The following PTPRR variants were observed in gnomAD, a reference collection of about 807,000 sequenced individuals.
PTPRR encodes protein tyrosine phosphatase receptor type R.
A neutral mutation model predicts 77.2 loss-of-function variants in PTPRR; 38 were observed. The ratio of observed to expected loss-of-function variants is 0.49; its 90% CI spans 0.38 to 0.65. PTPRR has a LOEUF of 0.65. PTPRR is among the 30% of genes least tolerant of loss of function. PTPRR has a pLI of 0.00. For missense variants in PTPRR, 744 were observed against 799.2 expected, an observed-to-expected ratio of 0.93 and a Z score of 0.83; for synonymous variants, 299 against 283.1, an observed-to-expected ratio of 1.06 and a Z score of -0.57.
chr12:70,784,458 C>G (rs11178418), intron 2 of PTPRR, among the ~76,000 whole-genome samples: 2 of 152,136 alleles, frequency 1.3e-5, no homozygotes, highest in African/African-American at 4.8e-5. Context: ...CGGAGCTCCC[C>G]CTGTGGCCCG....
At chr12:70,682,666 A>G (rs1246064512) in intron 10 of PTPRR, among the ~76,000 whole-genome samples, 1 of 152,168 alleles carries the variant, frequency 6.6e-6, no homozygotes, top group African/African-American at 2.4e-5. Flanking sequence ...ATGTACACAT[A>G]CAGAGAATAC....
At chr12:70,809,296 C>T (rs1338058989) in intron 2 of PTPRR, among the ~76,000 whole-genome samples, 1 of 152,098 alleles carries the variant, frequency 6.6e-6, no homozygotes, top group Non-Finnish European at 1.5e-5. Flanking sequence ...AAGGCAAATG[C>T]AAAGGATGGA....
In PTPRR at chr12:70,686,565, G is replaced by A. The variant is rs183834427; in HGVS notation, c.1280-1782C>T. Reference sequence around the variant, plus strand: ...TAAATAGAATATGGCAGTAGGGATGGTGTGTGACTTGGTCATAAAAGGTAT... The same window carrying A: ...TAAATAGAATATGGCAGTAGGGATGATGTGTGACTTGGTCATAAAAGGTAT... On this transcript the variant is annotated intron_variant, in intron 8 of 13. Transcript: ENST00000283228. Among the ~76,000 whole-genome samples, 639 of 152,282 alleles carry A rather than the reference G, an allele frequency of 4.2e-3. 3 individuals are homozygous for A. Among genetic ancestry groups the A allele is most frequent in the African/African-American group, 0.015 (619 of 41,562 alleles).
intron 6 of PTPRR, among the ~76,000 whole-genome samples, chr12:70,722,042 G>A (rs1365626950): frequency 6.6e-6 from 1 of 152,130 alleles, no homozygotes; most frequent in Non-Finnish European, 1.5e-5. Flanking sequence ...AGGCATAGAT[G>A]AAAAATGGCT....
At chr12:70,880,827 T>C (rs566171447) in intron 2 of PTPRR, among the ~76,000 whole-genome samples, 6 of 152,222 alleles carry the variant, frequency 3.9e-5, no homozygotes, top group Non-Finnish European at 8.8e-5. Flanking sequence ...CCATGACTTA[T>C]TTATGCTCCT....
Position 70,785,263 on chromosome 12 carries a change from T to G in PTPRR, c.358-20485A>C, listed in dbSNP as rs552307359. The stretch of plus-strand genomic sequence containing the variant: ...TATTAATATTGAAACAAAGCCAAAT[T>G]TAATGATTTAGAATAGAATCTCTTA... On this transcript the variant is annotated intron_variant, in intron 2 of 13. Transcript: ENST00000283228. Among the ~76,000 whole-genome samples the G allele has an allele frequency of 2.7e-3, 413 of 152,320 alleles. 2 individuals carry two copies. The highest frequency in any genetic ancestry group is 9.8e-3 in the African/African-American group (408 of 41,570).
intron 6 of PTPRR, among the ~76,000 whole-genome samples, chr12:70,715,786 A>T (rs1889004637): frequency 6.6e-6 from 1 of 152,120 alleles, no homozygotes; most frequent in African/African-American, 2.4e-5. Flanking sequence ...TCTTTCTTCA[A>T]GGTGCCCAGA....
intron 12 of PTPRR, among the ~76,000 whole-genome samples, chr12:70,660,628 A>C (rs561949416): frequency 6.6e-6 from 1 of 152,340 alleles, no homozygotes; most frequent in African/African-American, 2.4e-5. Context: ...GACTGATGAG[A>C]CTAAATCAAT....
chr12:70,663,911 C>G (rs1457736472), intron 10 of PTPRR, among the ~76,000 whole-genome samples: 1 of 152,016 alleles, frequency 6.6e-6, no homozygotes, highest in Non-Finnish European at 1.5e-5. Flanking sequence ...AATTTAAATA[C>G]TTATAGATTT....
chr12:70,672,781 C>T, intron 10 of PTPRR: 1 of 1,560,518 alleles, frequency 6.4e-7, no homozygotes, highest in Non-Finnish European at 8.7e-7. Flanking sequence ...ATTCAGGAAA[C>T]CTTCTGTCTT....
At chr12:70,694,111 C>T (rs1367922067) in intron 8 of PTPRR, among the ~76,000 whole-genome samples, 1 of 152,080 alleles carries the variant, frequency 6.6e-6, no homozygotes, top group Non-Finnish European at 1.5e-5. Flanking sequence ...AATCTAATTC[C>T]AGTATCTTGC....
rs71437157 is a variant in PTPRR at position 70,795,913 on chromosome 12, A to ATTTTTTTTTTTTTTTTTT, written c.358-31153_358-31136dup. Among the ~76,000 whole-genome samples, 19 of 88,390 alleles carry ATTTTTTTTTTTTTTTTTT rather than the reference A, an allele frequency of 2.1e-4. 8 individuals carry two copies. Among genetic ancestry groups the ATTTTTTTTTTTTTTTTTT allele is most frequent in the African/African-American group, 2.0e-4 (5 of 25,140 alleles). 58.0% of individuals were successfully genotyped at this position (88,390 alleles called of 152,430 possible). ...TATATGTTCAAAATGTATTTAGTAG[A>ATTTTTTTTTTTTTTTTTT]TTTTTTTTTTTTTTTTTTTTTTTTT... On this transcript the variant is annotated intron_variant, in intron 2 of 13. Transcript: ENST00000283228.
chr12:70,825,223 A>G (rs888996361), intron 2 of PTPRR, among the ~76,000 whole-genome samples: 3 of 152,196 alleles, frequency 2.0e-5, no homozygotes, highest in Non-Finnish European at 4.4e-5. Flanking sequence ...GGTTGCAGTG[A>G]GCCAAGATAG....
intron 13 of PTPRR, among the ~76,000 whole-genome samples, chr12:70,640,898 AG>A (rs1185499594): frequency 6.6e-6 from 1 of 152,206 alleles, no homozygotes; most frequent in African/African-American, 2.4e-5. Flanking sequence ...AAAAATAAAG[AG>A]GTAAATTCAC....
chr12:70,907,772 C>T (rs1893643848), intron 1 of PTPRR, among the ~76,000 whole-genome samples: 1 of 152,062 alleles, frequency 6.6e-6, no homozygotes, highest in African/African-American at 2.4e-5. Context: ...CAGATGTCCC[C>T]CAGTTTCTGA....
At chr12:70,727,973 G>A (rs1889503050) in intron 6 of PTPRR, among the ~76,000 whole-genome samples, 1 of 152,156 alleles carries the variant, frequency 6.6e-6, no homozygotes, top group African/African-American at 2.4e-5. Flanking sequence ...AGTGCATGCA[G>A]AGCTCAGCTC....
intron 6 of PTPRR, among the ~76,000 whole-genome samples, chr12:70,729,190 G>A (rs1164884248): frequency 6.6e-6 from 1 of 151,964 alleles, no homozygotes; most frequent in Non-Finnish European, 1.5e-5. Context: ...TTAAATATAT[G>A]CATTTAAACT....
chr12:70,906,146 G>C (rs926191170), intron 1 of PTPRR, among the ~76,000 whole-genome samples: 1 of 151,872 alleles, frequency 6.6e-6, no homozygotes, highest in South Asian at 2.1e-4. Flanking sequence ...ATAAAGGAAG[G>C]ACCTAGATTC....
chr12:70,850,204 A>G (rs1339678423), intron 2 of PTPRR, among the ~76,000 whole-genome samples: 1 of 152,054 alleles, frequency 6.6e-6, no homozygotes, highest in Non-Finnish European at 1.5e-5. Flanking sequence ...GCTACTAAAA[A>G]TGCAAAAATT....
Sources: gnomAD v4.1 joint callset for allele counts (sites outside exome capture counted in the v4.1 genomes callset) on GRCh38, gnomAD v4.1.1 for gene constraint, MANE v1.5 for transcripts, NCBI Gene and HGNC (gene_info 2026-07-23, HGNC 2026-07-21) for gene names.